Variants in VWC2 observed in about 807,000 individuals in gnomAD.
VWC2 encodes von Willebrand factor C domain containing 2, also known as brorin.
Under a neutral mutation model 29.8 loss-of-function variants are expected in VWC2, and 14 were observed. That is an observed-to-expected ratio of 0.47 (90% confidence interval 0.31 to 0.74). The LOEUF (loss-of-function observed/expected upper bound fraction) is 0.74. Among genes scored for constraint, VWC2 ranks in the 30% least tolerant of loss-of-function variants. VWC2 has a pLI of 0.05. For synonymous variants in VWC2, 213 were observed against 199.0 expected, an observed-to-expected ratio of 1.07 and a Z score of -0.59; for missense variants, 457 against 459.8, an observed-to-expected ratio of 0.99 and a Z score of 0.05.
At chr7:49,872,738 T>C (rs1791214699) in intron 3 of VWC2, among the ~76,000 whole-genome samples, 1 of 124,360 alleles carries the variant, frequency 8.0e-6, no homozygotes, top group Non-Finnish European at 1.7e-5. Flanking sequence ...AAACCCCGTC[T>C]CTACAAAAAA....
At chr7:49,803,853 C>T (rs896063458) in intron 3 of VWC2, among the ~76,000 whole-genome samples, 1 of 152,112 alleles carries the variant, frequency 6.6e-6, no homozygotes, top group Admixed American at 6.5e-5. Flanking sequence ...CCTTCGACCA[C>T]GTACCTGTAC....
intron 2 of VWC2, among the ~76,000 whole-genome samples, chr7:49,784,194 A>G (rs1788244880): frequency 6.6e-6 from 1 of 152,222 alleles, no homozygotes; most frequent in Non-Finnish European, 1.5e-5. Context: ...AAGAGCTTCT[A>G]GTGTAGTCAT....
intron 3 of VWC2, among the ~76,000 whole-genome samples, chr7:49,841,629 A>T (rs1389239247): frequency 6.6e-6 from 1 of 152,240 alleles, no homozygotes; most frequent in Admixed American, 6.5e-5. Context: ...CCGGGAGGAC[A>T]GAGGTTCTGT....
At chr7:49,894,716 G>A (rs903663754) in intron 3 of VWC2, among the ~76,000 whole-genome samples, 1 of 152,214 alleles carries the variant, frequency 6.6e-6, no homozygotes, top group African/African-American at 2.4e-5. Flanking sequence ...CTGTCACTGA[G>A]AAGGCTGTTT....
intron 3 of VWC2, among the ~76,000 whole-genome samples, chr7:49,857,761 C>A (rs1790483650): frequency 6.6e-6 from 1 of 152,184 alleles, no homozygotes; most frequent in Non-Finnish European, 1.5e-5. Context: ...AAGTTAAAAA[C>A]AGAGCCATCA....
intron 3 of VWC2, among the ~76,000 whole-genome samples, chr7:49,839,807 G>T (rs1402859276): frequency 6.6e-6 from 1 of 152,222 alleles, no homozygotes; most frequent in East Asian, 1.9e-4. Context: ...CAAGTTAGGA[G>T]TGAGAACCAC....
intron 2 of VWC2, among the ~76,000 whole-genome samples, chr7:49,782,347 A>G (rs543046128): frequency 1.3e-5 from 2 of 152,270 alleles, no homozygotes; most frequent in East Asian, 1.9e-4. Flanking sequence ...AAAATCATAC[A>G]GGCAGTTGAT....
intron 3 of VWC2, among the ~76,000 whole-genome samples, chr7:49,838,148 TC>T (rs1008763498): frequency 1.3e-5 from 2 of 152,038 alleles, no homozygotes; most frequent in African/African-American, 2.4e-5. Context: ...GTCTTCCCTA[TC>T]CCCCCATCTA....
chr7:49,849,923 T>A (rs1174646053), intron 3 of VWC2, among the ~76,000 whole-genome samples: 1 of 151,936 alleles, frequency 6.6e-6, no homozygotes. Flanking sequence ...TACAAAAAAA[T>A]TCAGTGCAAT....
At chr7:49,789,389 T>C (rs1470555166) in intron 2 of VWC2, among the ~76,000 whole-genome samples, 5 of 151,400 alleles carry the variant, frequency 3.3e-5, no homozygotes, top group Non-Finnish European at 7.4e-5. Flanking sequence ...GTGTATGAAG[T>C]AGGCATAGTG....
intron 3 of VWC2, among the ~76,000 whole-genome samples, chr7:49,909,796 G>A (rs1583816778): frequency 6.6e-6 from 1 of 152,170 alleles, no homozygotes; most frequent in South Asian, 2.1e-4. Context: ...TGTCTGAACA[G>A]GGGACAAGAA....
chr7:49,812,212 TATTA>T (rs1424421443), intron 3 of VWC2, among the ~76,000 whole-genome samples: 2 of 152,236 alleles, frequency 1.3e-5, no homozygotes, highest in East Asian at 3.8e-4. Flanking sequence ...ATGGTATGTT[TATTA>T]ATTGAGTTGT....
chr7:49,850,279 T>C (rs1377415614), intron 3 of VWC2: 2 of 152,280 alleles, frequency 1.3e-5, no homozygotes, highest in African/African-American at 4.8e-5. Flanking sequence ...AATTACATCA[T>C]CACCTAGGAA....
chr7:49,841,657 GC>G (rs1789795848), intron 3 of VWC2, among the ~76,000 whole-genome samples: 1 of 152,164 alleles, frequency 6.6e-6, no homozygotes, highest in South Asian at 2.1e-4. Flanking sequence ...ACTCAGGGAG[GC>G]CCTGCAGTAG....
chr7:49,775,508 G>A lies in VWC2; in HGVS notation c.73G>A (p.Ala25Thr). The part of the protein sequence containing the change: ...SLLVTCCLMV[A>T]LCSPSIPLEK... Reference sequence around the variant, plus strand: ...CCTGGTCACCTGCTGCCTGATGGTGGCTCTGTGCAGTCCGAGCATCCCGCT... The same window carrying A: ...CCTGGTCACCTGCTGCCTGATGGTGACTCTGTGCAGTCCGAGCATCCCGCT... Residue 25 changes from alanine (A) to threonine (T), a missense_variant, in exon 2 of 4, where the codon GCT (alanine) becomes ACT (threonine). Ala to Thr is a moderately conservative substitution (Grantham distance 58). Coordinates refer to ENST00000340652, the MANE Select transcript of VWC2 (RefSeq NM_198570.5). 1 of 1,573,224 alleles carries A rather than the reference G, an allele frequency of 6.4e-7. No individual in the cohort carries two copies. Among genetic ancestry groups the A allele is most frequent in the Non-Finnish European group, 8.6e-7 (1 of 1,164,592 alleles).
At chr7:49,864,710 T>C (rs1232942749) in intron 3 of VWC2, among the ~76,000 whole-genome samples, 1 of 152,210 alleles carries the variant, frequency 6.6e-6, no homozygotes, top group Non-Finnish European at 1.5e-5. Context: ...CCAGACAGTT[T>C]CAAACAGACA....
At chr7:49,864,557 T>C (rs575968227) in intron 3 of VWC2, among the ~76,000 whole-genome samples, 1 of 152,292 alleles carries the variant, frequency 6.6e-6, no homozygotes, top group Admixed American at 6.5e-5. Flanking sequence ...TCTCAACAGT[T>C]GTCTTTTGGC....
intron 3 of VWC2, among the ~76,000 whole-genome samples, chr7:49,854,182 C>T (rs2128717717): frequency 6.6e-6 from 1 of 152,248 alleles, no homozygotes; most frequent in East Asian, 1.9e-4. Flanking sequence ...CATACATGTG[C>T]ACGTGTCTTT....
At chr7:49,820,376 A>G (rs1292805070) in intron 3 of VWC2, among the ~76,000 whole-genome samples, 1 of 152,150 alleles carries the variant, frequency 6.6e-6, no homozygotes, top group East Asian at 1.9e-4. Context: ...TCTGGCTCCC[A>G]TGAGTAATGA....
Sources: allele counts gnomAD v4.1 joint callset (sites outside exome capture counted in the v4.1 genomes callset), GRCh38; gene constraint gnomAD v4.1.1; transcripts MANE v1.5; gene names NCBI Gene and HGNC (gene_info 2026-07-23, HGNC 2026-07-21).